The following KLF12 variants were observed in gnomAD, a reference collection of about 807,000 sequenced individuals.
KLF12 encodes the protein Krueppel-like factor 12.
In KLF12, 9 loss-of-function variants were observed where a neutral mutation model predicts 37.8. The observed-to-expected ratio is 0.24, with a 90% CI of 0.14 to 0.42. KLF12 has a LOEUF of 0.42. Among genes scored for constraint, KLF12 ranks in the 10% least tolerant of loss-of-function variants. The probability of loss-of-function intolerance (pLI) is 1.00; values close to 1 mark genes in which losing one functional copy is unlikely to be tolerated. For missense variants in KLF12, 411 were observed against 516.0 expected (o/e 0.80, Z 1.97); for synonymous variants, 208 against 202.1 (o/e 1.03, Z -0.25).
intron 3 of KLF12, among the ~76,000 whole-genome samples, chr13:73,927,383 A>G (rs1461752077): frequency 6.6e-6 from 1 of 152,164 alleles, no homozygotes; most frequent in Admixed American, 6.5e-5. Context: ...GGAAAACATC[A>G]GCTGTGGGGC....
intron 6 of KLF12, among the ~76,000 whole-genome samples, chr13:73,742,201 C>A (rs1038873890): frequency 1.7e-4 from 26 of 152,258 alleles, no homozygotes; most frequent in African/African-American, 6.3e-4. Flanking sequence ...ATTTTAGATT[C>A]TTGTATTAGA....
the KLF12 span, among the ~76,000 whole-genome samples, chr13:74,298,013 C>A: frequency 6.6e-6 from 1 of 152,106 alleles, no homozygotes; most frequent in African/African-American, 2.4e-5. Flanking sequence ...TCTTCTGAAT[C>A]GTTCCGACTG....
chr13:73,749,093 A>G (rs1878565998), intron 6 of KLF12, among the ~76,000 whole-genome samples: 1 of 152,124 alleles, frequency 6.6e-6, no homozygotes, highest in Non-Finnish European at 1.5e-5. Flanking sequence ...TGTGTGTTCT[A>G]AGACCACGGG....
chr13:74,218,066 A>G, the KLF12 span, among the ~76,000 whole-genome samples: 1 of 152,178 alleles, frequency 6.6e-6, no homozygotes, highest in African/African-American at 2.4e-5. Flanking sequence ...GCGGCCAAAA[A>G]ATGTTACCAG....
intron 2 of KLF12, among the ~76,000 whole-genome samples, chr13:73,984,650 A>C (rs547369440): frequency 2.6e-5 from 4 of 152,350 alleles, no homozygotes; most frequent in African/African-American, 7.2e-5. Context: ...TAATGTGCTT[A>C]ACTAGTTCCT....
At chr13:74,001,139 C>T (rs1292023190) in intron 1 of KLF12, among the ~76,000 whole-genome samples, 1 of 152,144 alleles carries the variant, frequency 6.6e-6, no homozygotes, top group African/African-American at 2.4e-5. Context: ...ATTTGCATTG[C>T]CAGATGAAGA....
the KLF12 span, among the ~76,000 whole-genome samples, chr13:74,151,951 G>C: frequency 1.3e-5 from 2 of 152,138 alleles, no homozygotes; most frequent in Admixed American, 1.3e-4. Flanking sequence ...GAGAGACGAG[G>C]TGAACAAATG....
intron 1 of KLF12, among the ~76,000 whole-genome samples, chr13:74,098,887 G>T (rs1366976791): frequency 6.6e-6 from 1 of 152,002 alleles, no homozygotes; most frequent in East Asian, 1.9e-4. Flanking sequence ...AATTCACATG[G>T]AACACAGTAT....
chr13:73,802,354 T>C (rs1280081890), intron 5 of KLF12, among the ~76,000 whole-genome samples: 2 of 152,174 alleles, frequency 1.3e-5, no homozygotes, highest in African/African-American at 4.8e-5. Flanking sequence ...CTTTCCAGTG[T>C]AATAGTTATT....
intron 6 of KLF12, among the ~76,000 whole-genome samples, chr13:73,748,056 G>A (rs1459982098): frequency 2.6e-5 from 4 of 152,168 alleles, no homozygotes; most frequent in Non-Finnish European, 5.9e-5. Context: ...GGAGGGAAGT[G>A]TTGAAAACGA....
In KLF12 at chr13:73,725,935, C is replaced by T. The variant is rs1397221464; in HGVS notation, c.870-10410G>A. Among the ~76,000 whole-genome samples the T allele has an allele frequency of 9.9e-5, 15 of 151,762 alleles. 1 individual carries two copies. The highest frequency in any genetic ancestry group is 5.9e-4 in the Admixed American group (9 of 15,204). On this transcript the variant is annotated intron_variant, in intron 6 of 7. Transcript: ENST00000377669. Reference sequence around the variant, plus strand: ...CCAGGCTGGAGTGCAATGGTGCTATCTCGGCTCACTGCAACCTCCACCTCC... The same window carrying T: ...CCAGGCTGGAGTGCAATGGTGCTATTTCGGCTCACTGCAACCTCCACCTCC...
intron 6 of KLF12, among the ~76,000 whole-genome samples, chr13:73,754,281 T>A (rs1362387407): frequency 1.3e-5 from 2 of 152,120 alleles, no homozygotes; most frequent in Non-Finnish European, 2.9e-5. Context: ...TCTAATCAAT[T>A]CCTAACACTC....
At chr13:73,766,884 G>C (rs1456094762) in intron 5 of KLF12, among the ~76,000 whole-genome samples, 2 of 152,010 alleles carry the variant, frequency 1.3e-5, no homozygotes, top group African/African-American at 4.8e-5. Flanking sequence ...GTATCTTTTA[G>C]GAAAATTTCA....
chr13:73,845,236 T>C (rs1884950911), intron 4 of KLF12: 1 of 152,192 alleles, frequency 6.6e-6, no homozygotes, highest in African/African-American at 2.4e-5. Flanking sequence ...AATAATAACT[T>C]AGCCTTATAA....
intron 1 of KLF12, among the ~76,000 whole-genome samples, chr13:73,995,788 T>C (rs1892098450): frequency 6.6e-6 from 1 of 152,224 alleles, no homozygotes; most frequent in African/African-American, 2.4e-5. Context: ...TATTTGGATA[T>C]ATCTTACAAG....
At chr13:73,870,665 T>C (rs1161232702) in intron 3 of KLF12, among the ~76,000 whole-genome samples, 3 of 152,212 alleles carry the variant, frequency 2.0e-5, no homozygotes, top group East Asian at 3.8e-4. Flanking sequence ...TTCAGAGACC[T>C]GATGAGGCTG....
chr13:74,244,345 G>GT, the KLF12 span, among the ~76,000 whole-genome samples: 1 of 152,212 alleles, frequency 6.6e-6, no homozygotes, highest in Non-Finnish European at 1.5e-5. Context: ...GTCTACTGAA[G>GT]TAAGTCTTAT....
intron 1 of KLF12, among the ~76,000 whole-genome samples, chr13:74,110,608 A>T (rs950201024): frequency 6.6e-6 from 1 of 152,192 alleles, no homozygotes; most frequent in Non-Finnish European, 1.5e-5. Context: ...CAGGTAGTAC[A>T]GTGCTCAGAG....
At chr13:74,167,685 C>A in the KLF12 span, among the ~76,000 whole-genome samples, 2 of 152,178 alleles carry the variant, frequency 1.3e-5, no homozygotes, top group East Asian at 3.9e-4. Flanking sequence ...TGGTTTTATA[C>A]TTAATCTCGT....
Sources: gnomAD v4.1 joint callset for allele counts (sites outside exome capture counted in the v4.1 genomes callset) on GRCh38, gnomAD v4.1.1 for gene constraint, MANE v1.5 for transcripts, NCBI Gene and HGNC (gene_info 2026-07-23, HGNC 2026-07-21) for gene names.